The following CFAP61 variants were observed in gnomAD, a reference collection of about 807,000 sequenced individuals.
CFAP61 encodes the protein cilia and flagella associated protein 61.
In CFAP61, 107 loss-of-function variants were observed where a neutral mutation model predicts 135.6. The ratio of observed to expected loss-of-function variants is 0.79; its 90% CI spans 0.67 to 0.93. The LOEUF (loss-of-function observed/expected upper bound fraction) is 0.93. Among genes scored for constraint, CFAP61 ranks in the 40% least tolerant of loss-of-function variants. The pLI, the probability that CFAP61 is intolerant of heterozygous loss-of-function variation, is 0.00. For missense variants in CFAP61, 1,507 were observed against 1,556.2 expected (o/e 0.97, Z 0.53); for synonymous variants, 575 against 578.5 (o/e 0.99, Z 0.09).
At chr20:20,339,626 C>T (rs978842592) in intron 25 of CFAP61, among the ~76,000 whole-genome samples, 1 of 151,972 alleles carries the variant, frequency 6.6e-6, no homozygotes, top group Non-Finnish European at 1.5e-5. Context: ...TATGTCACCA[C>T]CACACCTGGC....
intron 20 of CFAP61, among the ~76,000 whole-genome samples, chr20:20,256,554 G>A (rs1008990962): frequency 1.3e-5 from 2 of 152,038 alleles, no homozygotes; most frequent in African/African-American, 4.8e-5. Context: ...AAAGGAGATG[G>A]GTGAATAAGA....
At chr20:20,336,640 A>AAT (rs1211803379) in intron 25 of CFAP61, among the ~76,000 whole-genome samples, 2 of 145,674 alleles carry the variant, frequency 1.4e-5, no homozygotes, top group African/African-American at 5.0e-5. Flanking sequence ...AAAAAAAAAA[A>AAT]TTTTAAGAAA....
chr20:20,216,899 A>C (rs2048076018), intron 17 of CFAP61, among the ~76,000 whole-genome samples: 1 of 152,070 alleles, frequency 6.6e-6, no homozygotes, highest in Admixed American at 6.5e-5. Context: ...GAGTGACTGA[A>C]ATTAGCCTTG....
At chr20:20,075,664 C>T in intron 6 of CFAP61, 49 bp downstream of exon 6, 1 of 1,602,654 alleles carries the variant, frequency 6.2e-7, no homozygotes. Context: ...CTGGGACAGT[C>T]ATCTTCCCAA....
intron 17 of CFAP61, among the ~76,000 whole-genome samples, chr20:20,210,863 T>C (rs986953198): frequency 6.6e-6 from 1 of 152,202 alleles, no homozygotes; most frequent in Non-Finnish European, 1.5e-5. Context: ...CAGTGGCTCA[T>C]ACCTGTCATC....
chr20:20,238,464 A>G (rs1315745931), intron 18 of CFAP61, among the ~76,000 whole-genome samples: 1 of 152,230 alleles, frequency 6.6e-6, no homozygotes, highest in Non-Finnish European at 1.5e-5. Flanking sequence ...GTGGGATAAT[A>G]ATTTTTTCTC....
Position 20,056,636 on chromosome 20 carries a change from T to C in CFAP61, c.-18T>C. 6.2e-7 allele frequency: 1 copy of C among 1,613,354 alleles called. No homozygotes were observed. The highest frequency in any genetic ancestry group is 8.5e-7 in the Non-Finnish European group (1 of 1,179,680). On this transcript the variant is annotated 5_prime_UTR_variant, in exon 2 of 27. Coordinates refer to ENST00000245957, the MANE Select transcript of CFAP61 (RefSeq NM_015585.4). Reference sequence around the variant, plus strand: ...TTAATAGTGGACTTTTTTCTCTCTTTTGGGGACAGGATAAAAAATGTCAGT... The same window carrying C: ...TTAATAGTGGACTTTTTTCTCTCTTCTGGGGACAGGATAAAAAATGTCAGT...
chr20:20,200,941 G>C, intron 17 of CFAP61: 1 of 985,378 alleles, frequency 1.0e-6, no homozygotes, highest in South Asian at 4.7e-5. Context: ...CTCAGAGGCA[G>C]CTTTGTGTCT....
At chr20:20,285,174 T>C (rs1012044971) in intron 22 of CFAP61, among the ~76,000 whole-genome samples, 8 of 152,204 alleles carry the variant, frequency 5.3e-5, no homozygotes, top group Non-Finnish European at 1.2e-4. Flanking sequence ...CATTCCTCTA[T>C]ATGTCATTTT....
chr20:20,169,297 T>A, intron 12 of CFAP61, 24 bp from the exon 13 acceptor site: 2 of 1,594,926 alleles, frequency 1.3e-6, no homozygotes, highest in Non-Finnish European at 1.7e-6. Context: ...TCTTTCTCTG[T>A]GTCCTGGTTT....
At chr20:20,198,859 A>T (rs1255137734) in intron 16 of CFAP61, among the ~76,000 whole-genome samples, 1 of 152,218 alleles carries the variant, frequency 6.6e-6, no homozygotes, top group African/African-American at 2.4e-5. Context: ...CTATTTATTA[A>T]AATGCATCTA....
intron 9 of CFAP61, among the ~76,000 whole-genome samples, chr20:20,153,842 C>A (rs1298205490): frequency 6.6e-6 from 1 of 152,042 alleles, no homozygotes. Flanking sequence ...AAGAGGTAAT[C>A]CTCCTTAAAT....
intron 8 of CFAP61, among the ~76,000 whole-genome samples, chr20:20,118,253 G>GTTTGTTTGTTTGTTTGTTTCTTTC (rs1555872842): frequency 2.2e-4 from 31 of 138,610 alleles, no homozygotes; most frequent in African/African-American, 8.5e-4. Context: ...TTTGAGGTAT[G>GTTTGTTTGTTTGTTTGTTTCTTTC]TTTCTTTCTT....
At chr20:20,204,800 C>T (rs769154468) in intron 17 of CFAP61, among the ~76,000 whole-genome samples, 3 of 152,114 alleles carry the variant, frequency 2.0e-5, no homozygotes, top group East Asian at 1.9e-4. Context: ...ATTAATGTGA[C>T]GATGGGAGGC....
In CFAP61 at chr20:20,360,368, C is replaced by T. The variant is rs746734819; in HGVS notation, c.3672C>T (p.Asn1224=). 3.1e-6 allele frequency: 5 copies of T among 1,613,782 alleles called. No homozygotes were observed. In the South Asian group the frequency reaches 4.4e-5, roughly 14 times the overall value. ...GCACTCTTGACTACCTGCACTATAA[C>T]CGCTACCACCTGCCCATGTACGCGT... The part of the protein sequence containing the change: ...ERSTLDYLHY[N]RYHLPMYAWP... The change falls in exon 27 of 27, where the codon AAC becomes AAT. Residue 1224 remains asparagine, a synonymous_variant. Coordinates refer to ENST00000245957, the MANE Select transcript of CFAP61 (RefSeq NM_015585.4).
chr20:20,143,934 C>T (rs1052576416), intron 9 of CFAP61, among the ~76,000 whole-genome samples: 3 of 152,154 alleles, frequency 2.0e-5, no homozygotes, highest in African/African-American at 7.2e-5. Flanking sequence ...AGTGCCCATG[C>T]CTGTACAAAG....
chr20:20,262,807 T>TG (rs1338675913), intron 20 of CFAP61, 149 bp from the exon 21 acceptor site: 4 of 400,416 alleles, frequency 1.0e-5, no homozygotes, highest in Non-Finnish European at 1.8e-5. Context: ...TTTTTGTGTT[T>TG]TTTTTTTTTT....
chr20:20,299,932 A>G (rs1485555985), intron 25 of CFAP61, among the ~76,000 whole-genome samples: 1 of 152,238 alleles, frequency 6.6e-6, no homozygotes, highest in Non-Finnish European at 1.5e-5. Flanking sequence ...CACGTCTTCA[A>G]CTTTACTAGT....
chr20:20,070,723 A>G, intron 2 of CFAP61, 131 bp from the exon 3 acceptor site: 2 of 742,604 alleles, frequency 2.7e-6, no homozygotes, highest in Non-Finnish European at 2.2e-6. Flanking sequence ...TATCATTCTC[A>G]CCTTTTCCAA....
Sources: gnomAD v4.1 joint callset for allele counts (sites outside exome capture counted in the v4.1 genomes callset) on GRCh38, gnomAD v4.1.1 for gene constraint, MANE v1.5 for transcripts, NCBI Gene and HGNC (gene_info 2026-07-23, HGNC 2026-07-21) for gene names.